The following PRR14L variants were observed in gnomAD, a reference collection of about 807,000 sequenced individuals.
The protein encoded by PRR14L is proline rich 14 like.
Under a neutral mutation model 155.0 loss-of-function variants are expected in PRR14L, and 80 were observed. The observed-to-expected ratio is 0.52, with a 90% CI of 0.43 to 0.62. The LOEUF is 0.62. PRR14L is among the 20% of genes least tolerant of loss of function. The pLI, the probability that PRR14L is intolerant of heterozygous loss-of-function variation, is 0.00. For missense variants in PRR14L, 2,469 were observed against 2,548.0 expected (o/e 0.97, Z 0.67); for synonymous variants, 883 against 916.0 (o/e 0.96, Z 0.65).
intron 4 of PRR14L, among the ~76,000 whole-genome samples, chr22:31,709,872 A>T (rs1421293436): frequency 6.7e-6 from 1 of 149,700 alleles, no homozygotes; most frequent in East Asian, 2.0e-4. Flanking sequence ...TGACCTCGTG[A>T]TCTGCCTGCC....
Position 31,714,166 on chromosome 22 carries a change from G to A in PRR14L, c.3673C>T (p.His1225Tyr). The A allele has an allele frequency of 1.3e-6, 2 of 1,551,568 alleles. No individual in the cohort carries two copies. The highest frequency in any genetic ancestry group is 8.7e-7 in the Non-Finnish European group (1 of 1,146,960). Residue 1225 changes from histidine (H) to tyrosine (Y), a missense_variant, in exon 4 of 9, where the codon CAT becomes TAT. By Grantham distance (83) the His-to-Tyr change is moderately conservative. Coordinates refer to ENST00000327423, the MANE Select transcript of PRR14L (RefSeq NM_173566.3). Reference sequence around the variant, plus strand: ...CTTAGGGAAACAGAGCTTTCATCATGGCAAGACATCGACTCTTTTGAGGAA... The same window carrying A: ...CTTAGGGAAACAGAGCTTTCATCATAGCAAGACATCGACTCTTTTGAGGAA... ...GISSKESMSC[H>Y]DESSVSLRSL...
Position 31,714,077 on chromosome 22 carries a change from T to G in PRR14L, c.3762A>C (p.Glu1254Asp), listed in dbSNP as rs1410341458. The G allele has an allele frequency of 3.9e-6, 6 of 1,550,060 alleles. No homozygotes were observed. Among genetic ancestry groups the G allele is most frequent in the Non-Finnish European group, 5.2e-6 (6 of 1,146,646 alleles). The change falls in exon 4 of 9, where the codon GAA (glutamate) becomes GAC (aspartate). Residue 1254 changes from glutamate (E) to aspartate (D), a missense_variant. By Grantham distance (45) the Glu-to-Asp change is conservative. Coordinates refer to ENST00000327423, the MANE Select transcript of PRR14L (RefSeq NM_173566.3). ...TACAAAGATTTTTCAGGTCAGTTTC[T>G]TCACTGTTAACATTAGTTTCTGAAT... is the stretch of plus-strand genomic sequence containing the variant. Reference protein sequence around the residue: ...QENSETNVNSEETDLKNLCKP... With the variant: ...QENSETNVNSDETDLKNLCKP...
chr22:31,745,843 TAAA>T (rs755650797), intron 1 of PRR14L, among the ~76,000 whole-genome samples: 33 of 133,764 alleles, frequency 2.5e-4, no homozygotes, highest in Non-Finnish European at 3.0e-4. Context: ...AGACTCAGTT[TAAA>T]AAAAAAAAAA....
chr22:31,725,494 T>C, intron 3 of PRR14L, 44 bp downstream of exon 3: 2 of 1,276,942 alleles, frequency 1.6e-6, no homozygotes, highest in Non-Finnish European at 2.2e-6. Context: ...AAAACAGTAT[T>C]TGCAGTAAGT....
chr22:31,738,326 T>G lies in PRR14L; in HGVS notation c.474+61A>C, dbSNP rs553037102. Reference sequence around the variant, plus strand: ...ATGAGCCAACCGTCAGCATCTGTATTTTATCCAGAGAAAGCTGTCATTCAC... The same window carrying G: ...ATGAGCCAACCGTCAGCATCTGTATGTTATCCAGAGAAAGCTGTCATTCAC... On this transcript the variant is annotated intron_variant, in intron 2 of 8. Coordinates refer to ENST00000327423, the MANE Select transcript of PRR14L (RefSeq NM_173566.3). 24 of 1,327,210 alleles carry G rather than the reference T, an allele frequency of 1.8e-5. No homozygotes were observed. In the African/African-American group the frequency reaches 3.1e-4, roughly 17 times the overall value. The allele number at this position is 1,327,210 out of a possible 1,614,324, so 82.2% of individuals were successfully genotyped here. A position where few individuals can be genotyped will look rare whatever the true frequency, so the allele number is the denominator to read the frequency against.
At chr22:31,744,612 AC>A (rs1245204795) in intron 1 of PRR14L, among the ~76,000 whole-genome samples, 1 of 152,162 alleles carries the variant, frequency 6.6e-6, no homozygotes, top group African/African-American at 2.4e-5. Context: ...CAGAAAAGGC[AC>A]CATCAATATT....
At chr22:31,718,074 C>T (rs2074669872) in intron 3 of PRR14L, among the ~76,000 whole-genome samples, 1 of 151,598 alleles carries the variant, frequency 6.6e-6, no homozygotes, top group Non-Finnish European at 1.5e-5. Context: ...ATTACAGGCA[C>T]CCGCCACCAT....
Position 31,738,677 on chromosome 22 carries a change from C to T in PRR14L, c.184G>A (p.Ala62Thr), listed in dbSNP as rs1282605213. 1 of 1,552,008 alleles carries T rather than the reference C, an allele frequency of 6.4e-7. No homozygotes were observed. The highest frequency in any genetic ancestry group is 1.2e-5 in the South Asian group (1 of 84,060). The change falls in exon 2 of 9, where the codon GCA becomes ACA. Residue 62 changes from alanine (A) to threonine (T), a missense_variant. Physicochemically the swap from Ala to Thr is moderately conservative, Grantham distance 58. Transcript: ENST00000327423. Reference sequence around the variant, plus strand: ...GTCCTCTGCAGCTCCAAGGGCAATGCCCTATTCTGACTTAAAAGAGAGCTT... The same window carrying T: ...GTCCTCTGCAGCTCCAAGGGCAATGTCCTATTCTGACTTAAAAGAGAGCTT... ...ASSSLLSQNRALPLELQRTHV... is the reference protein window; with the variant it reads ...ASSSLLSQNRTLPLELQRTHV...
intron 1 of PRR14L, among the ~76,000 whole-genome samples, chr22:31,740,570 A>T (rs2074807405): frequency 6.6e-6 from 1 of 151,834 alleles, no homozygotes; most frequent in Non-Finnish European, 1.5e-5. Flanking sequence ...TATGTTGTCC[A>T]GGCTCGTCTC....
chr22:31,725,316 A>G (rs2074710618), intron 3 of PRR14L, among the ~76,000 whole-genome samples: 1 of 152,138 alleles, frequency 6.6e-6, no homozygotes. Context: ...TGAGGTATGA[A>G]GATCACTTGA....
Position 31,713,343 on chromosome 22 carries a change from G to A in PRR14L, c.4496C>T (p.Ser1499Phe). ...ATGTATTTGATCACACCCAGCAGAG[G>A]AGGGGTCTTGTGCTTTCCGAGGGGC... is the stretch of plus-strand genomic sequence containing the variant. ...LGAPRKAQDPSSAGCDQIHGA... is the reference protein window; with the variant it reads ...LGAPRKAQDPFSAGCDQIHGA... The change falls in exon 4 of 9, where the codon TCC becomes TTC. Residue 1499 changes from serine to phenylalanine, a missense_variant. By Grantham distance (155) the Ser-to-Phe change is radical. Transcript: ENST00000327423. 6.4e-7 allele frequency: 1 copy of A among 1,552,272 alleles called. No individual in the cohort carries two copies. Among genetic ancestry groups the A allele is most frequent in the Non-Finnish European group, 8.7e-7 (1 of 1,147,116 alleles).
At position 31,713,484 on chromosome 22, in the gene PRR14L, A is replaced by G; in HGVS notation, c.4355T>C (p.Leu1452Pro). 1 of 1,552,044 alleles carries G rather than the reference A, an allele frequency of 6.4e-7. No homozygotes were observed. The highest frequency in any genetic ancestry group is 8.7e-7 in the Non-Finnish European group (1 of 1,147,070). Residue 1452 changes from leucine (L) to proline (P), a missense_variant, in exon 4 of 9, where the codon CTG becomes CCG. Physicochemically the swap from Leu to Pro is moderately conservative, Grantham distance 98. Coordinates refer to ENST00000327423, the MANE Select transcript of PRR14L (RefSeq NM_173566.3). ...TMINEITLAK[L>P]AKDSIVAQTQ... Reference sequence around the variant, plus strand: ...CTGTGCCACAATGCTGTCCTTGGCCAGCTTTGCTAGGGTGATTTCATTGAT... The same window carrying G: ...CTGTGCCACAATGCTGTCCTTGGCCGGCTTTGCTAGGGTGATTTCATTGAT...
intron 7 of PRR14L, among the ~76,000 whole-genome samples, chr22:31,697,878 G>A (rs2074543157): frequency 6.7e-6 from 1 of 149,418 alleles, no homozygotes; most frequent in Non-Finnish European, 1.5e-5. Context: ...CAAACAAACT[G>A]TAACTATATA....
intron 2 of PRR14L, among the ~76,000 whole-genome samples, chr22:31,728,546 G>A (rs559563435): frequency 8.1e-4 from 123 of 151,562 alleles, no homozygotes; most frequent in African/African-American, 2.8e-3. Flanking sequence ...CCAGGAGGCG[G>A]AGGTTGCAGT....
intron 7 of PRR14L, among the ~76,000 whole-genome samples, chr22:31,688,927 A>ACACACACACAC (rs1569497073): frequency 1.3e-4 from 17 of 130,448 alleles, no homozygotes; most frequent in African/African-American, 4.1e-4. Context: ...CACACACACA[A>ACACACACACAC]AAACCCTTCA....
chr22:31,714,168 C>T lies in PRR14L; in HGVS notation c.3671G>A (p.Cys1224Tyr). 1.3e-6 allele frequency: 2 copies of T among 1,551,624 alleles called. No individual in the cohort carries two copies. Among genetic ancestry groups the T allele is most frequent in the Non-Finnish European group, 1.7e-6 (2 of 1,146,984 alleles). ...TAGGGAAACAGAGCTTTCATCATGG[C>T]AAGACATCGACTCTTTTGAGGAAAT... Reference protein sequence around the residue: ...FGISSKESMSCHDESSVSLRS... With the variant: ...FGISSKESMSYHDESSVSLRS... The change falls in exon 4 of 9, where the codon TGC becomes TAC. Residue 1224 changes from cysteine (C) to tyrosine (Y), a missense_variant. Around this residue, in one of 2 missense-constraint regions of PRR14L, gnomAD observed 2,363 missense variants for 2,371.6 expected, o/e 1.00. Coordinates refer to ENST00000327423, the MANE Select transcript of PRR14L (RefSeq NM_173566.3).
intron 3 of PRR14L, among the ~76,000 whole-genome samples, chr22:31,723,214 G>A (rs2074700451): frequency 6.6e-6 from 1 of 151,918 alleles, no homozygotes; most frequent in African/African-American, 2.4e-5. Context: ...GGGTTTGGGG[G>A]AGAAAAAAAA....
At chr22:31,708,010 G>A (rs1242628927) in intron 4 of PRR14L, among the ~76,000 whole-genome samples, 2 of 152,118 alleles carry the variant, frequency 1.3e-5, no homozygotes, top group East Asian at 2.0e-4. Flanking sequence ...TTAGCTGGAT[G>A]TGGTGGTGCA....
At chr22:31,726,556 C>T (rs964843665) in intron 2 of PRR14L, among the ~76,000 whole-genome samples, 9 of 152,098 alleles carry the variant, frequency 5.9e-5, no homozygotes, top group African/African-American at 1.4e-4. Context: ...CATGAGACAC[C>T]GCGCCTGGCC....
Sources: gnomAD v4.1 joint callset for allele counts (sites outside exome capture counted in the v4.1 genomes callset) on GRCh38, gnomAD v4.1.1 for gene constraint, gnomAD v4.1.1 regional missense constraint, MANE v1.5 for transcripts, NCBI Gene and HGNC (gene_info 2026-07-23, HGNC 2026-07-21) for gene names.